The following EXOC4 variants were observed in gnomAD, a reference collection of about 807,000 sequenced individuals.
EXOC4 encodes the protein SEC8-like 1.
A neutral mutation model predicts 107.2 loss-of-function variants in EXOC4; 71 were observed. The ratio of observed to expected loss-of-function variants is 0.66; its 90% CI spans 0.55 to 0.81. The LOEUF is 0.81. EXOC4 is among the 30% of genes least tolerant of loss of function. The pLI, the probability that EXOC4 is intolerant of heterozygous loss-of-function variation, is 0.00. For synonymous variants in EXOC4, 456 were observed against 441.2 expected (o/e 1.03, Z -0.42); for missense variants, 1,108 against 1,189.6 (o/e 0.93, Z 1.01).
intron 1 of EXOC4, among the ~76,000 whole-genome samples, chr7:133,261,307 C>A (rs1466914921): frequency 6.7e-6 from 1 of 149,574 alleles, no homozygotes; most frequent in African/African-American, 2.5e-5. Context: ...AGCTCTCTTG[C>A]CCAGGCTGGA....
intron 13 of EXOC4, among the ~76,000 whole-genome samples, chr7:133,922,468 A>T (rs1212167061): frequency 2.6e-5 from 4 of 152,154 alleles, no homozygotes; most frequent in Non-Finnish European, 4.4e-5. Context: ...TGTGAGCAAG[A>T]TTCATCCATA....
chr7:133,749,776 A>G (rs1795752778), intron 10 of EXOC4, among the ~76,000 whole-genome samples: 1 of 152,102 alleles, frequency 6.6e-6, no homozygotes, highest in Non-Finnish European at 1.5e-5. Context: ...CTAAAATTTC[A>G]ATTCAAGCAC....
chr7:133,982,056 G>C (rs1393983761), intron 14 of EXOC4, among the ~76,000 whole-genome samples: 1 of 152,134 alleles, frequency 6.6e-6, no homozygotes. Context: ...TAAATGATGA[G>C]ACCTCATGGA....
intron 7 of EXOC4, among the ~76,000 whole-genome samples, chr7:133,457,043 C>T (rs1293040124): frequency 1.3e-5 from 2 of 152,242 alleles, no homozygotes; most frequent in East Asian, 3.9e-4. Flanking sequence ...AACATAGTGC[C>T]CTGCATTCAA....
chr7:133,347,851 T>A (rs1339806966), intron 5 of EXOC4, among the ~76,000 whole-genome samples: 1 of 152,220 alleles, frequency 6.6e-6, no homozygotes, highest in Non-Finnish European at 1.5e-5. Context: ...ATTATCAGTC[T>A]GTGAAAGTCT....
chr7:133,970,187 C>G (rs912692566), intron 14 of EXOC4, among the ~76,000 whole-genome samples: 1 of 152,116 alleles, frequency 6.6e-6, no homozygotes, highest in Non-Finnish European at 1.5e-5. Flanking sequence ...TGGCAGACAC[C>G]CCTCCCCCCA....
Position 133,306,030 on chromosome 7 carries a change from G to T in EXOC4, c.625G>T (p.Val209Leu), listed in dbSNP as rs1427790546. The T allele has an allele frequency of 6.8e-6, 11 of 1,612,972 alleles. No homozygotes were observed. Among genetic ancestry groups the T allele is most frequent in the Non-Finnish European group, 9.3e-6 (11 of 1,179,456 alleles). ...HLYIKSTSRVVQRNKEKGKIS... is the reference protein window; with the variant it reads ...HLYIKSTSRVLQRNKEKGKIS... ...GTACATCAAATCGACTAGCCGAGTT[G>T]TGCAGCGTAACAAGGAAAAAGGGAA... Residue 209 changes from valine (V) to leucine (L), a missense_variant, in exon 4 of 18, where the codon GTG becomes TTG. Coordinates refer to ENST00000253861, the MANE Select transcript of EXOC4 (RefSeq NM_021807.4).
chr7:133,604,703 C>CTTCT (rs1434947817), intron 9 of EXOC4, among the ~76,000 whole-genome samples: 8 of 108,436 alleles, frequency 7.4e-5, no homozygotes, highest in Non-Finnish European at 1.2e-4. Flanking sequence ...TCCTTCCTTC[C>CTTCT]TTCTTTCTTT....
chr7:133,813,243 T>C (rs1189130172), intron 10 of EXOC4, among the ~76,000 whole-genome samples: 3 of 152,134 alleles, frequency 2.0e-5, no homozygotes, highest in Admixed American at 6.6e-5. Flanking sequence ...AAGGCAAATA[T>C]GGGACTAGAA....
chr7:134,020,048 C>A (rs1022110504), intron 17 of EXOC4, among the ~76,000 whole-genome samples: 3 of 152,116 alleles, frequency 2.0e-5, no homozygotes, highest in Non-Finnish European at 4.4e-5. Context: ...GACCCGAGAC[C>A]ACTCTCTCAG....
chr7:133,685,505 T>C (rs1474542891), intron 10 of EXOC4, among the ~76,000 whole-genome samples: 1 of 152,172 alleles, frequency 6.6e-6, no homozygotes, highest in Non-Finnish European at 1.5e-5. Flanking sequence ...TTGGGCAGTT[T>C]TTTATAGTAG....
At chr7:133,275,227 C>T (rs1793962475) in intron 2 of EXOC4, 56 bp downstream of exon 2, 6 of 1,386,634 alleles carry the variant, frequency 4.3e-6, no homozygotes, top group Non-Finnish European at 5.8e-6. Context: ...ATAGGTGTTG[C>T]AGCTTGGAGA....
At chr7:134,050,097 G>T (rs1795748907) in intron 17 of EXOC4, among the ~76,000 whole-genome samples, 1 of 152,060 alleles carries the variant, frequency 6.6e-6, no homozygotes, top group Non-Finnish European at 1.5e-5. Flanking sequence ...ATATATTTGT[G>T]TGTTTATATA....
intron 7 of EXOC4, among the ~76,000 whole-genome samples, chr7:133,397,080 A>G (rs144125201): frequency 2.0e-5 from 3 of 151,924 alleles, no homozygotes; most frequent in Non-Finnish European, 4.4e-5. Context: ...TAGTCATTGT[A>G]TCTAGGCCTG....
chr7:133,372,554 T>C (rs78382600), intron 6 of EXOC4, among the ~76,000 whole-genome samples: 12 of 152,146 alleles, frequency 7.9e-5, no homozygotes, highest in East Asian at 1.9e-4. Context: ...GTTTTTTTTT[T>C]CTCTAAATGT....
chr7:133,761,524 C>A (rs768733462), intron 10 of EXOC4, among the ~76,000 whole-genome samples: 43 of 152,106 alleles, frequency 2.8e-4, no homozygotes, highest in Non-Finnish European at 4.7e-4. Context: ...CTCTTCATAT[C>A]TGACTCTTTA....
intron 7 of EXOC4, among the ~76,000 whole-genome samples, chr7:133,473,828 G>GT: frequency 6.6e-6 from 1 of 152,054 alleles, no homozygotes; most frequent in South Asian, 2.1e-4. Context: ...AGCCTCCTGA[G>GT]TAGCTGGGAC....
intron 10 of EXOC4, among the ~76,000 whole-genome samples, chr7:133,737,487 A>T (rs1225448344): frequency 3.3e-5 from 5 of 151,904 alleles, no homozygotes; most frequent in Non-Finnish European, 2.9e-5. Flanking sequence ...TAGGCAGGAA[A>T]ATTTTTGCCT....
intron 10 of EXOC4, among the ~76,000 whole-genome samples, chr7:133,797,280 T>C (rs763095796): frequency 2.6e-5 from 4 of 152,258 alleles, no homozygotes; most frequent in Non-Finnish European, 4.4e-5. Context: ...TGTGAGCATA[T>C]GTTACTTTTT....
Sources: allele counts gnomAD v4.1 joint callset (sites outside exome capture counted in the v4.1 genomes callset), GRCh38; gene constraint gnomAD v4.1.1; transcripts MANE v1.5; gene names NCBI Gene and HGNC (gene_info 2026-07-23, HGNC 2026-07-21).